Variants in RGL3 observed in about 807,000 individuals in gnomAD.
RGL3 encodes the protein ral guanine nucleotide dissociation stimulator like 3.
Under a neutral mutation model 90.6 loss-of-function variants are expected in RGL3, and 85 were observed. The observed-to-expected ratio is 0.94, with a 90% CI of 0.79 to 1.12. The LOEUF is 1.12. Ranked by LOEUF, RGL3 falls within the 50% of genes most tolerant of loss-of-function variation. The pLI, the probability that RGL3 is intolerant of heterozygous loss-of-function variation, is 0.00. For missense variants in RGL3, 1,034 were observed against 939.2 expected (o/e 1.10, Z -1.32); for synonymous variants, 408 against 385.5 (o/e 1.06, Z -0.68).
intron 18 of RGL3, 92 bp downstream of exon 18, chr19:11,397,151 AC>A (rs1968587478): frequency 9.8e-7 from 1 of 1,018,542 alleles, no homozygotes; most frequent in Admixed American, 2.0e-5. Context: ...AGCCCTGTGA[AC>A]CCGGGTAACC....
At position 11,411,913 on chromosome 19, in the gene RGL3, C is replaced by A. The variant is rs78823986; in HGVS notation, c.637+4024G>T. 5.3e-5 allele frequency among the ~76,000 whole-genome samples: 8 copies of A among 152,218 alleles called. No homozygotes were observed. In the East Asian group the frequency reaches 1.5e-3, roughly 29 times the overall value. On this transcript the variant is annotated intron_variant, in intron 5 of 18. Coordinates refer to ENST00000380456, the MANE Select transcript of RGL3 (RefSeq NM_001035223.4). The stretch of plus-strand genomic sequence containing the variant: ...CGCCAGCAGGAGCCTCTGCATCTGG[C>A]CTGGATTGGATTTTTTTTATATCAA...
In RGL3 at chr19:11,394,207, A is replaced by G. The variant is rs1244763121; in HGVS notation, c.*195T>C. On this transcript the variant is annotated 3_prime_UTR_variant, in exon 19 of 19. Coordinates refer to ENST00000380456, the MANE Select transcript of RGL3 (RefSeq NM_001035223.4). ...GGATTGAGCTCTCCACCAGCCACCC[A>G]TGGGCTGATGTCTTTGGAATATGGA... is the stretch of plus-strand genomic sequence containing the variant. 2 of 579,668 alleles carry G rather than the reference A, an allele frequency of 3.5e-6. No homozygotes were observed. The highest frequency in any genetic ancestry group is 3.7e-5 in the African/African-American group (2 of 53,438). The allele number at this position is 579,668 out of a possible 1,614,324, so 35.9% of individuals were successfully genotyped here. A position where few individuals can be genotyped will look rare whatever the true frequency, so the allele number is the denominator to read the frequency against.
chr19:11,414,176 T>TATATATAC (rs1491114343), intron 5 of RGL3, among the ~76,000 whole-genome samples: 1 of 75,020 alleles, frequency 1.3e-5, no homozygotes, highest in Non-Finnish European at 2.6e-5. Flanking sequence ...TATATATATA[T>TATATATAC]ACACCTATAT....
intron 5 of RGL3, among the ~76,000 whole-genome samples, chr19:11,414,690 A>C (rs904983674): frequency 4.4e-4 from 66 of 150,906 alleles, no homozygotes; most frequent in Middle Eastern, 3.2e-3. Flanking sequence ...TCAAATACAG[A>C]TGGGTGAAAG....
At chr19:11,416,193 A>G (rs367585511) in intron 4 of RGL3, 45 bp from the exon 5 acceptor site, 9 of 1,240,358 alleles carry the variant, frequency 7.3e-6, no homozygotes, top group African/African-American at 1.6e-5. Flanking sequence ...AGAGTGGGGG[A>G]CATAGAATAT....
chr19:11,418,861 G>C (rs1252688131), intron 1 of RGL3, 77 bp from the exon 2 acceptor site: 5 of 1,185,284 alleles, frequency 4.2e-6, no homozygotes, highest in Non-Finnish European at 5.8e-6. Flanking sequence ...GCTCGGACTC[G>C]GGCCGAGTCC....
At chr19:11,407,773 G>C (rs1407237914) in intron 5 of RGL3, among the ~76,000 whole-genome samples, 1 of 149,716 alleles carries the variant, frequency 6.7e-6, no homozygotes, top group East Asian at 2.0e-4. Context: ...TGCAACCTCC[G>C]CCTCCAGGTT....
rs36165599 is a variant in RGL3, at chr19:11,414,579, G to A, written c.637+1358C>T. 8.2e-4 allele frequency among the ~76,000 whole-genome samples: 115 copies of A among 139,824 alleles called. No homozygotes were observed. The East Asian group carries it at 9.4e-3, about 11-fold the overall frequency. 91.7% of individuals were successfully genotyped at this position (139,824 alleles called of 152,430 possible). ...AGACTTTGTCACCAGGGATAGAGAA[G>A]TGGCTGCTACTTTGTAAATTGGACA... On this transcript the variant is annotated intron_variant, in intron 5 of 18. Coordinates refer to ENST00000380456, the MANE Select transcript of RGL3 (RefSeq NM_001035223.4).
At chr19:11,404,292 C>T (rs1968730669) in intron 9 of RGL3, among the ~76,000 whole-genome samples, 1 of 152,162 alleles carries the variant, frequency 6.6e-6, no homozygotes, top group Non-Finnish European at 1.5e-5. Flanking sequence ...CTTTGGGAAG[C>T]CAAGGCAGGT....
chr19:11,397,141 A>G, intron 18 of RGL3, 103 bp downstream of exon 18: 1 of 903,634 alleles, frequency 1.1e-6, no homozygotes, highest in Non-Finnish European at 1.8e-6. Context: ...AGCACCTCAC[A>G]GCCCTGTGAA....
In RGL3 at chr19:11,394,311, A is replaced by C. The variant is rs1968526090; in HGVS notation, c.*91T>G. On this transcript the variant is annotated 3_prime_UTR_variant, in exon 19 of 19. Transcript: ENST00000380456. ...GTGGTGGTCCTGGGATACACAGCACAGTGGCCTCTACTGGGGGATGGCAGC... is the reference window on the plus strand; with the variant it reads ...GTGGTGGTCCTGGGATACACAGCACCGTGGCCTCTACTGGGGGATGGCAGC... The C allele has an allele frequency of 2.2e-6, 2 of 927,516 alleles. No homozygotes were observed. The highest frequency in any genetic ancestry group is 2.9e-4 in the Middle Eastern group (1 of 3,442). 57.5% of individuals were successfully genotyped at this position (927,516 alleles called of 1,614,324 possible).
chr19:11,407,359 AC>A (rs1374519596), intron 5 of RGL3, among the ~76,000 whole-genome samples: 1 of 151,992 alleles, frequency 6.6e-6, no homozygotes, highest in Non-Finnish European at 1.5e-5. Context: ...TCAGTAACTC[AC>A]CACTGAGTTA....
chr19:11,413,640 T>C (rs1034442695), intron 5 of RGL3, among the ~76,000 whole-genome samples: 1 of 150,478 alleles, frequency 6.6e-6, no homozygotes, highest in African/African-American at 2.4e-5. Flanking sequence ...AGCCCAGGAG[T>C]TCGAGACCAG....
chr19:11,414,320 C>T (rs1292138503), intron 5 of RGL3, among the ~76,000 whole-genome samples: 2 of 61,256 alleles, frequency 3.3e-5, no homozygotes, highest in South Asian at 6.0e-4. Flanking sequence ...TATATATATA[C>T]CTTCATATAT....
At position 11,418,674 on chromosome 19, in the gene RGL3, G is replaced by A; in HGVS notation, c.144C>T (p.Ser48=). The A allele has an allele frequency of 4.5e-6, 7 of 1,547,942 alleles. No homozygotes were observed. The highest frequency in any genetic ancestry group is 5.2e-6 in the Non-Finnish European group (6 of 1,151,804). Reference sequence around the variant, plus strand: ...ACCCACCAAACCCCCTCCTCACCTGGCTGCCCCCGGGGCCCTCCGCCGGGC... The same window carrying A: ...ACCCACCAAACCCCCTCCTCACCTGACTGCCCCCGGGGCCCTCCGCCGGGC... ...RRSPAEGPGG[S]QAPSPIANTF... The change falls in exon 2 of 19, where the codon AGC becomes AGT. Residue 48 remains serine (S), a synonymous_variant. Transcript: ENST00000380456.
intron 16 of RGL3, 98 bp downstream of exon 16, chr19:11,399,757 A>C: frequency 1.5e-6 from 1 of 684,010 alleles, no homozygotes; most frequent in Non-Finnish European, 2.3e-6. Flanking sequence ...TCCTGGCCCC[A>C]CAATCCTGTG....
In RGL3 at chr19:11,406,707, G is replaced by T. The variant is rs527618059; in HGVS notation, c.780+15C>A. 9 of 1,613,376 alleles carry T rather than the reference G, an allele frequency of 5.6e-6. No homozygotes were observed. The East Asian group carries it at 1.8e-4, about 32-fold the overall frequency. ...CCTCACTGTGGCTCATCCCGACCCT[G>T]TCCGGGATCCTCACCAAGTCTATGA... On this transcript the variant is annotated intron_variant, in intron 6 of 18. Coordinates refer to ENST00000380456, the MANE Select transcript of RGL3 (RefSeq NM_001035223.4).
chr19:11,405,203 A>G lies in RGL3; in HGVS notation c.1129T>C (p.Ser377Pro). The G allele has an allele frequency of 6.2e-7, 1 of 1,614,110 alleles. No individual in the cohort carries two copies. The highest frequency in any genetic ancestry group is 8.5e-7 in the Non-Finnish European group (1 of 1,180,020). Residue 377 changes from serine to proline, a missense_variant, in exon 9 of 19, where the codon TCG becomes CCG. Transcript: ENST00000380456. ...REPLSTFRKL[S>P]QIFSDENNHL... ...TTGTTCTCATCGGAGAAAATCTGCG[A>G]AAGTTTCCTGAAAGTAGATAGCGGT...
chr19:11,418,536 G>A (rs748185777), intron 2 of RGL3, 135 bp downstream of exon 2: 2 of 638,924 alleles, frequency 3.1e-6, no homozygotes, highest in South Asian at 4.0e-5. Context: ...TTTCTACCTG[G>A]TCGCCTCATC....
Sources: allele counts gnomAD v4.1 joint callset (sites outside exome capture counted in the v4.1 genomes callset), GRCh38; gene constraint gnomAD v4.1.1; transcripts MANE v1.5; gene names NCBI Gene and HGNC (gene_info 2026-07-23, HGNC 2026-07-21).